Variants in DACH1 observed in about 807,000 individuals in gnomAD.
DACH1 encodes the protein dachshund homolog 1.
A neutral mutation model predicts 54.2 loss-of-function variants in DACH1; 12 were observed. The observed-to-expected ratio is 0.22, with a 90% CI of 0.14 to 0.36. The LOEUF is 0.36. DACH1 is among the 10% of genes least tolerant of loss of function. The pLI, the probability that DACH1 is intolerant of heterozygous loss-of-function variation, is 1.00. For synonymous variants in DACH1, 386 were observed against 366.2 expected (o/e 1.05, Z -0.62); for missense variants, 805 against 929.8 (o/e 0.87, Z 1.75).
chr13:71,489,195 T>A lies in DACH1; in HGVS notation c.1571-47A>T, dbSNP rs750896408. ...ATATAGAACAAGTTACGCTTGTCTG[T>A]TTTTATTAGACCTCAGTAATGGCTT... On this transcript the variant is annotated intron_variant, in intron 6 of 10. Coordinates refer to ENST00000613252, the MANE Select transcript of DACH1 (RefSeq NM_080759.6). The A allele has an allele frequency of 3.2e-6, 5 of 1,582,172 alleles. No individual in the cohort carries two copies. In the South Asian group the frequency reaches 3.5e-5, roughly 11 times the overall value.
chr13:71,649,862 A>G (rs1594044789), intron 2 of DACH1, among the ~76,000 whole-genome samples: 1 of 152,330 alleles, frequency 6.6e-6, no homozygotes, highest in East Asian at 1.9e-4. Flanking sequence ...CTAAGTTTAG[A>G]CTTTGAATAT....
chr13:71,780,326 T>G (rs1886319543), intron 1 of DACH1, among the ~76,000 whole-genome samples: 1 of 152,212 alleles, frequency 6.6e-6, no homozygotes, highest in African/African-American at 2.4e-5. Context: ...AACATTTTTA[T>G]GTGATCAATC....
intron 1 of DACH1, among the ~76,000 whole-genome samples, chr13:71,774,914 A>G (rs1364425768): frequency 6.6e-6 from 1 of 152,060 alleles, no homozygotes; most frequent in Non-Finnish European, 1.5e-5. Context: ...GTCTTTACAA[A>G]CATATCGCTA....
intron 1 of DACH1, among the ~76,000 whole-genome samples, chr13:71,794,628 G>A (rs948884314): frequency 6.6e-6 from 1 of 152,076 alleles, no homozygotes; most frequent in Non-Finnish European, 1.5e-5. Context: ...AGTAGAGATG[G>A]GGTTTCACCA....
At position 71,518,061 on chromosome 13, in the gene DACH1, G is replaced by A. The variant is rs1450903700; in HGVS notation, c.1571-28913C>T. 2.0e-5 allele frequency among the ~76,000 whole-genome samples: 3 copies of A among 151,610 alleles called. No individual in the cohort carries two copies. In the East Asian group the frequency reaches 5.8e-4, roughly 29 times the overall value. On this transcript the variant is annotated intron_variant, in intron 6 of 10. Coordinates refer to ENST00000613252, the MANE Select transcript of DACH1 (RefSeq NM_080759.6). ...AGCTTGGTAACCTACCTTGTTTAAT[G>A]GACAATTTAATCATTAATATGTAAT...
chr13:71,457,303 T>C (rs1038889870), intron 10 of DACH1, among the ~76,000 whole-genome samples: 11 of 152,004 alleles, frequency 7.2e-5, no homozygotes, highest in African/African-American at 2.7e-4. Context: ...TGTCTCTTAA[T>C]GCAAGAGTTG....
chr13:71,583,390 A>G (rs1039322420), intron 3 of DACH1, among the ~76,000 whole-genome samples: 3 of 152,234 alleles, frequency 2.0e-5, no homozygotes, highest in African/African-American at 4.8e-5. Context: ...ATGATGAAAT[A>G]TGGCATCTTT....
chr13:71,616,653 G>C (rs1875789369), intron 3 of DACH1, among the ~76,000 whole-genome samples: 1 of 152,000 alleles, frequency 6.6e-6, no homozygotes, highest in South Asian at 2.1e-4. Context: ...GGAGGATCAT[G>C]TGAGCCCAGG....
At chr13:71,722,186 C>T (rs1001753154) in intron 1 of DACH1, among the ~76,000 whole-genome samples, 1 of 152,104 alleles carries the variant, frequency 6.6e-6, no homozygotes, top group African/African-American at 2.4e-5. Flanking sequence ...TTTGGCTTTC[C>T]TTACAGACAT....
chr13:71,449,526 G>A (rs1874814268), intron 10 of DACH1, among the ~76,000 whole-genome samples: 1 of 151,818 alleles, frequency 6.6e-6, no homozygotes, highest in South Asian at 2.1e-4. Context: ...GGCCTGTCAG[G>A]GGTTGGGGGC....
chr13:71,779,184 TATAC>T, intron 1 of DACH1, among the ~76,000 whole-genome samples: 2 of 127,868 alleles, frequency 1.6e-5, no homozygotes, highest in Non-Finnish European at 3.3e-5. Flanking sequence ...TATACACATA[TATAC>T]GTATATACGT....
chr13:71,822,180 C>G (rs1391352370), intron 1 of DACH1, among the ~76,000 whole-genome samples: 1 of 152,066 alleles, frequency 6.6e-6, no homozygotes, highest in East Asian at 1.9e-4. Flanking sequence ...GCTTATGAGT[C>G]TTTTAGTGTC....
chr13:71,844,785 A>G (rs1342567853), intron 1 of DACH1, among the ~76,000 whole-genome samples: 1 of 152,154 alleles, frequency 6.6e-6, no homozygotes, highest in African/African-American at 2.4e-5. Flanking sequence ...GCCATAAAAA[A>G]GAATGAAATC....
intron 1 of DACH1, among the ~76,000 whole-genome samples, chr13:71,779,197 G>GTATA (rs1341881947): frequency 2.9e-4 from 32 of 111,878 alleles, no homozygotes; most frequent in Non-Finnish European, 1.8e-4. Flanking sequence ...ACGTATATAC[G>GTATA]TATATATGTG....
chr13:71,448,316 C>T (rs78773143), intron 10 of DACH1, among the ~76,000 whole-genome samples: 1,778 of 152,132 alleles, frequency 0.012, 28 homozygotes, highest in African/African-American at 0.035. Flanking sequence ...ATATAGTAGC[C>T]GTGTGTGTCT....
At chr13:71,488,187 G>T (rs994643680) in intron 7 of DACH1, among the ~76,000 whole-genome samples, 11 of 152,074 alleles carry the variant, frequency 7.2e-5, no homozygotes, top group Admixed American at 5.9e-4. Context: ...TAGAGTAAAA[G>T]AATTTTTCTA....
rs1409907108 is a variant in DACH1 at position 71,855,141 on chromosome 13, G to T, written c.848+10781C>A. The stretch of plus-strand genomic sequence containing the variant: ...TATAATTATTATTAGAGACTTTTAT[G>T]TTTGGTTCTTATTGGGAAATAACCA... On this transcript the variant is annotated intron_variant, in intron 1 of 10. Coordinates refer to ENST00000613252, the MANE Select transcript of DACH1 (RefSeq NM_080759.6). Among the ~76,000 whole-genome samples, 4 of 152,010 alleles carry T rather than the reference G, an allele frequency of 2.6e-5. No individual in the cohort carries two copies. In the East Asian group the frequency reaches 5.8e-4, roughly 22 times the overall value.
Position 71,818,417 on chromosome 13 carries a change from C to T in DACH1, c.848+47505G>A, listed in dbSNP as rs1888050244. ...AGAGAATAGGTTATTACGGATGCAG[C>T]TTGATGGTAGGTGAATTTGGAGAAG... On this transcript the variant is annotated intron_variant, in intron 1 of 10. Coordinates refer to ENST00000613252, the MANE Select transcript of DACH1 (RefSeq NM_080759.6). Among the ~76,000 whole-genome samples, 3 of 152,222 alleles carry T rather than the reference C, an allele frequency of 2.0e-5. No homozygotes were observed. In the South Asian group the frequency reaches 6.2e-4, roughly 32 times the overall value.
At chr13:71,515,593 A>G (rs904836142) in intron 6 of DACH1, among the ~76,000 whole-genome samples, 4 of 151,894 alleles carry the variant, frequency 2.6e-5, no homozygotes, top group African/African-American at 7.2e-5. Flanking sequence ...CCCTCCAACA[A>G]TATCTCTGAG....
Sources: gnomAD v4.1 joint callset for allele counts (sites outside exome capture counted in the v4.1 genomes callset) on GRCh38, gnomAD v4.1.1 for gene constraint, MANE v1.5 for transcripts, NCBI Gene and HGNC (gene_info 2026-07-23, HGNC 2026-07-21) for gene names.